The following DPH6 variants were observed in gnomAD, a reference collection of about 807,000 sequenced individuals.
The protein encoded by DPH6 is diphthine--ammonia ligase.
A neutral mutation model predicts 38.2 loss-of-function variants in DPH6; 33 were observed. That is an observed-to-expected ratio of 0.86 (90% confidence interval 0.65 to 1.15). The LOEUF (loss-of-function observed/expected upper bound fraction) is 1.15, where lower values mean the gene tolerates loss of function less well. Ranked by LOEUF, DPH6 falls within the 50% of genes most tolerant of loss-of-function variation. The pLI, the probability that DPH6 is intolerant of heterozygous loss-of-function variation, is 0.00. For missense variants in DPH6, 325 were observed against 320.0 expected (o/e 1.02, Z -0.12); for synonymous variants, 108 against 103.0 (o/e 1.05, Z -0.30).
intron 3 of DPH6, among the ~76,000 whole-genome samples, chr15:35,312,010 G>GAAAAAAAAAAAAAAAAA (rs10573455): frequency 9.8e-6 from 1 of 102,142 alleles, no homozygotes; most frequent in African/African-American, 3.6e-5. Flanking sequence ...TTAAGAAAAT[G>GAAAAAAAAAAAAAAAAA]AAAAAAAAAA....
chr15:35,236,583 G>A (rs1201353815), intron 3 of DPH6, among the ~76,000 whole-genome samples: 1 of 151,212 alleles, frequency 6.6e-6, no homozygotes, highest in African/African-American at 2.4e-5. Context: ...AGCTTGCAGT[G>A]AGCCCAGATC....
intron 6 of DPH6, chr15:35,396,302 T>A (rs2053131359): frequency 6.6e-6 from 1 of 152,208 alleles, no homozygotes; most frequent in Admixed American, 6.5e-5. Context: ...GGCCATAATA[T>A]GATTTATCTC....
At chr15:35,192,036 C>A in the DPH6 span, among the ~76,000 whole-genome samples, 1 of 152,182 alleles carries the variant, frequency 6.6e-6, no homozygotes, top group Non-Finnish European at 1.5e-5. Context: ...AGCAACAGGA[C>A]CTAGACCAAA....
At chr15:35,234,043 C>A (rs916950334) in intron 3 of DPH6, among the ~76,000 whole-genome samples, 1 of 152,124 alleles carries the variant, frequency 6.6e-6, no homozygotes, top group African/African-American at 2.4e-5. Context: ...ACAGGAGGAA[C>A]CTGCTATGTT....
At chr15:35,496,933 T>C (rs996510915) in intron 3 of DPH6, among the ~76,000 whole-genome samples, 1 of 152,020 alleles carries the variant, frequency 6.6e-6, no homozygotes, top group African/African-American at 2.4e-5. Context: ...ACTGAAACTC[T>C]TTCTGGAACT....
downstream of DPH6, among the ~76,000 whole-genome samples, chr15:35,212,589 C>T (rs2051393819): frequency 6.6e-6 from 1 of 152,222 alleles, no homozygotes; most frequent in African/African-American, 2.4e-5. Flanking sequence ...GAAGTGCACC[C>T]ATAGAGATAT....
At chr15:35,434,951 T>C (rs1458141803) in intron 5 of DPH6, among the ~76,000 whole-genome samples, 1 of 151,754 alleles carries the variant, frequency 6.6e-6, no homozygotes, top group Admixed American at 6.6e-5. Flanking sequence ...TTTTTTTTTT[T>C]TTTGTACAGA....
At chr15:35,171,698 T>G in the DPH6 span, among the ~76,000 whole-genome samples, 3 of 151,956 alleles carry the variant, frequency 2.0e-5, no homozygotes, top group African/African-American at 4.8e-5. Flanking sequence ...GGAACAGAAG[T>G]GCTGCAGACG....
intron 3 of DPH6, among the ~76,000 whole-genome samples, chr15:35,351,598 A>T (rs1424353740): frequency 6.6e-6 from 1 of 152,166 alleles, no homozygotes; most frequent in African/African-American, 2.4e-5. Flanking sequence ...TGGAGATCAC[A>T]TAAAATATTT....
At chr15:35,369,277 T>C (rs749243900), downstream of DPH6, among the ~76,000 whole-genome samples, 60 of 151,812 alleles carry the variant, frequency 4.0e-4, no homozygotes, top group Non-Finnish European at 7.2e-4. Context: ...TGATGGAATT[T>C]AGAAAACAGA....
chr15:35,235,459 A>G (rs2051544700), intron 3 of DPH6, among the ~76,000 whole-genome samples: 1 of 152,222 alleles, frequency 6.6e-6, no homozygotes, highest in Admixed American at 6.5e-5. Context: ...CTTGGCAAAA[A>G]AATCCAATAA....
intron 5 of DPH6, among the ~76,000 whole-genome samples, chr15:35,427,638 T>C (rs2053585653): frequency 6.6e-6 from 1 of 151,782 alleles, no homozygotes; most frequent in Admixed American, 6.6e-5. Flanking sequence ...ACACTGTTTC[T>C]CTCCATCCTA....
At chr15:35,180,275 T>C in the DPH6 span, among the ~76,000 whole-genome samples, 1 of 152,142 alleles carries the variant, frequency 6.6e-6, no homozygotes, top group Non-Finnish European at 1.5e-5. Flanking sequence ...AATGGCATTG[T>C]AGAGAAAAAC....
intron 3 of DPH6, among the ~76,000 whole-genome samples, chr15:35,293,839 T>C (rs900846864): frequency 6.6e-6 from 1 of 152,226 alleles, no homozygotes; most frequent in Non-Finnish European, 1.5e-5. Context: ...TCCCTAGTGG[T>C]GATTCTTCAA....
intron 3 of DPH6, among the ~76,000 whole-genome samples, chr15:35,474,885 T>C (rs16954297): frequency 0.26 from 40,067 of 151,712 alleles, 9,327 homozygotes; most frequent in African/African-American, 0.63. Context: ...AAGTATCACA[T>C]CTGGGAGATA....
chr15:35,169,840 G>T, the DPH6 span: 26 of 152,232 alleles, frequency 1.7e-4, no homozygotes, highest in East Asian at 4.6e-3. Context: ...TTAAACAAAT[G>T]AAGTATATTA....
Position 35,515,811 on chromosome 15 carries a change from T to C in DPH6, c.312+22463A>G, listed in dbSNP as rs970478057. 3.3e-5 allele frequency among the ~76,000 whole-genome samples: 5 copies of C among 151,726 alleles called. No homozygotes were observed. The East Asian group carries it at 7.8e-4, about 24-fold the overall frequency. On this transcript the variant is annotated intron_variant, in intron 3 of 8. Transcript: ENST00000256538. ...TACTCAAGAAGCTGAAGGCGGAAGA[T>C]TGTTTGAGCTCAGAATTTTGAGGCT...
At chr15:35,522,775 C>G (rs1254352143) in intron 3 of DPH6, among the ~76,000 whole-genome samples, 1 of 150,504 alleles carries the variant, frequency 6.6e-6, no homozygotes, top group Non-Finnish European at 1.5e-5. Context: ...AAATTATACT[C>G]TTAATTCTGC....
At chr15:35,150,123 CA>C in the DPH6 span, among the ~76,000 whole-genome samples, 1 of 152,160 alleles carries the variant, frequency 6.6e-6, no homozygotes, top group Non-Finnish European at 1.5e-5. Context: ...AACTGTTTTA[CA>C]TAAGGGACCA....
Sources: allele counts gnomAD v4.1 joint callset (sites outside exome capture counted in the v4.1 genomes callset), GRCh38; gene constraint gnomAD v4.1.1; transcripts MANE v1.5; gene names NCBI Gene and HGNC (gene_info 2026-07-23, HGNC 2026-07-21).